DNM3: variants seen among roughly 807,000 people sequenced by gnomAD.
DNM3 encodes the protein dynamin-3.
DNM3 carries 47 observed loss-of-function variants against 101.6 expected under a neutral mutation model. The observed-to-expected ratio is 0.46, with a 90% CI of 0.37 to 0.59. DNM3 has a LOEUF of 0.59. DNM3 is among the 20% of genes least tolerant of loss of function. The pLI is 0.00. For missense variants in DNM3, 849 were observed against 1,085.7 expected (o/e 0.78, Z 3.06); for synonymous variants, 385 against 387.9 (o/e 0.99, Z 0.09).
At chr1:172,009,621 T>G (rs1239899289) in intron 4 of DNM3, among the ~76,000 whole-genome samples, 1 of 151,896 alleles carries the variant, frequency 6.6e-6, no homozygotes, top group Admixed American at 6.6e-5. Flanking sequence ...TACATTTCCA[T>G]TATTGCAGTA....
At chr1:171,896,709 G>A (rs2037835935) in intron 1 of DNM3, among the ~76,000 whole-genome samples, 1 of 152,044 alleles carries the variant, frequency 6.6e-6, no homozygotes, top group Non-Finnish European at 1.5e-5. Flanking sequence ...TATTTAGTTA[G>A]TAAATAAACT....
At chr1:172,201,862 C>G (rs532338167) in intron 14 of DNM3, among the ~76,000 whole-genome samples, 1 of 152,276 alleles carries the variant, frequency 6.6e-6, no homozygotes, top group African/African-American at 2.4e-5. Context: ...ACCCATGTAA[C>G]AGTCTGTCTA....
chr1:172,359,654 T>C (rs1001871806), intron 17 of DNM3, among the ~76,000 whole-genome samples: 1 of 151,780 alleles, frequency 6.6e-6, no homozygotes, highest in African/African-American at 2.4e-5. Context: ...TAAGTAGCTC[T>C]TGGCAGAAGG....
At chr1:172,178,550 G>T (rs1460660407) in intron 14 of DNM3, among the ~76,000 whole-genome samples, 1 of 151,806 alleles carries the variant, frequency 6.6e-6, no homozygotes, top group Non-Finnish European at 1.5e-5. Context: ...AATGAACATA[G>T]ATGAAGCAGT....
intron 4 of DNM3, among the ~76,000 whole-genome samples, chr1:171,995,452 G>A (rs1454045263): frequency 6.6e-6 from 1 of 150,956 alleles, no homozygotes; most frequent in Admixed American, 6.6e-5. Flanking sequence ...TCAGATTGTT[G>A]TAAGCCTTTG....
chr1:172,187,167 A>G (rs1463333678), intron 14 of DNM3, among the ~76,000 whole-genome samples: 1 of 151,986 alleles, frequency 6.6e-6, no homozygotes, highest in Admixed American at 6.6e-5. Context: ...TTTTCTTTGC[A>G]TGAGAGTCTG....
chr1:172,055,433 C>T (rs181233865), intron 10 of DNM3, among the ~76,000 whole-genome samples: 2 of 152,204 alleles, frequency 1.3e-5, no homozygotes, highest in Admixed American at 1.3e-4. Flanking sequence ...CACACACACA[C>T]ACCACACATG....
At chr1:172,418,437 A>T in exon 21 of DNM3, 2 of 801,124 alleles carry the variant, frequency 2.5e-6, no homozygotes, top group Non-Finnish European at 3.3e-6. Flanking sequence ...CCATGTGTAT[A>T]ATAAAAACAA....
chr1:172,150,114 T>A (rs2058072727), intron 14 of DNM3, among the ~76,000 whole-genome samples: 2 of 152,158 alleles, frequency 1.3e-5, no homozygotes, highest in South Asian at 4.1e-4. Context: ...AACATAAGTC[T>A]GTTTAGCTGT....
intron 15 of DNM3, among the ~76,000 whole-genome samples, chr1:172,257,461 T>A (rs2062451775): frequency 6.6e-6 from 1 of 152,150 alleles, no homozygotes; most frequent in Admixed American, 6.6e-5. Flanking sequence ...TGTATTTTCC[T>A]GGTGACTTAA....
chr1:172,101,126 C>T (rs1005631959), intron 13 of DNM3, among the ~76,000 whole-genome samples: 39 of 152,228 alleles, frequency 2.6e-4, no homozygotes, highest in African/African-American at 8.7e-4. Context: ...AAAGGATAGA[C>T]GCTGGAGAAG....
chr1:171,938,410 C>T (rs2041595421), intron 2 of DNM3, among the ~76,000 whole-genome samples: 1 of 152,112 alleles, frequency 6.6e-6, no homozygotes. Flanking sequence ...TCTGATAAGC[C>T]AAGGAATTTC....
At chr1:172,328,261 C>T (rs116463340) in intron 17 of DNM3, among the ~76,000 whole-genome samples, 1,733 of 152,222 alleles carry the variant, frequency 0.011, 19 homozygotes, top group African/African-American at 0.017. Context: ...CATATTTGCT[C>T]TCACATATTG....
chr1:172,250,106 G>A (rs559825093), intron 14 of DNM3, among the ~76,000 whole-genome samples: 45 of 152,104 alleles, frequency 3.0e-4, no homozygotes, highest in South Asian at 2.5e-3. Context: ...AAGCTGTCTC[G>A]TATAGTTTGA....
chr1:172,080,173 C>A (rs1250857984), intron 11 of DNM3, among the ~76,000 whole-genome samples: 1 of 152,158 alleles, frequency 6.6e-6, no homozygotes, highest in Non-Finnish European at 1.5e-5. Flanking sequence ...CCGTCATTCT[C>A]TTCAGAGCTG....
intron 20 of DNM3, among the ~76,000 whole-genome samples, chr1:172,395,035 T>G (rs1367310461): frequency 6.6e-6 from 1 of 152,214 alleles, no homozygotes; most frequent in Non-Finnish European, 1.5e-5. Context: ...TCTTGTTATT[T>G]CTTGTTTTAA....
intron 17 of DNM3, among the ~76,000 whole-genome samples, chr1:172,348,829 C>T (rs564441714): frequency 1.6e-4 from 24 of 152,190 alleles, no homozygotes; most frequent in Non-Finnish European, 3.1e-4. Context: ...GTTCTTATTT[C>T]CATTTTGTGG....
intron 13 of DNM3, among the ~76,000 whole-genome samples, chr1:172,104,419 C>T (rs550955905): frequency 3.9e-5 from 6 of 151,942 alleles, no homozygotes; most frequent in South Asian, 4.2e-4. Context: ...TATAACTTAC[C>T]GGCGAGGATA....
intron 14 of DNM3, among the ~76,000 whole-genome samples, chr1:172,189,803 C>T (rs922257342): frequency 1.9e-4 from 29 of 151,900 alleles, no homozygotes; most frequent in African/African-American, 7.0e-4. Context: ...GAAAGGGGAG[C>T]AGGTGCTGTG....
Sources: gnomAD v4.1 joint callset for allele counts (sites outside exome capture counted in the v4.1 genomes callset) on GRCh38, gnomAD v4.1.1 for gene constraint, MANE v1.5 for transcripts, NCBI Gene and HGNC (gene_info 2026-07-23, HGNC 2026-07-21) for gene names.